The following MYOM1 variants were observed in gnomAD, a reference collection of about 807,000 sequenced individuals.
The protein encoded by MYOM1 is myomesin 1.
In MYOM1, 164 loss-of-function variants were observed where a neutral mutation model predicts 205.3. That is an observed-to-expected ratio of 0.80 (90% CI 0.70 to 0.91). MYOM1 has a LOEUF of 0.91. Ranked by LOEUF, MYOM1 falls within the 40% of genes least tolerant of loss-of-function variation. The pLI is 0.00. For missense variants in MYOM1, 2,011 were observed against 2,127.3 expected, an observed-to-expected ratio of 0.95 and a Z score of 1.08; for synonymous variants, 772 against 789.4, an observed-to-expected ratio of 0.98 and a Z score of 0.37.
rs375222378 is a variant in MYOM1 at position 3,112,361 on chromosome 18, T to G, written c.3355A>C (p.Asn1119His). 1.9e-6 allele frequency: 3 copies of G among 1,612,718 alleles called. No homozygotes were observed. Among genetic ancestry groups the G allele is most frequent in the Non-Finnish European group, 2.5e-6 (3 of 1,178,964 alleles). ...GATGGCTTCCCAACTCCCGCCTGGT[T>G]TATGGCTCGAACACGGAACACGTAG... The part of the protein sequence containing the change: ...VSYVFRVRAI[N>H]QAGVGKPSDL... The change falls in exon 22 of 38, where the codon AAC becomes CAC. Residue 1119 changes from asparagine (N) to histidine (H), a missense_variant. Physicochemically the swap from Asn to His is moderately conservative, Grantham distance 68. Transcript: ENST00000356443.
At chr18:3,178,569 T>A (rs113775954) in intron 5 of MYOM1, among the ~76,000 whole-genome samples, 3,686 of 152,250 alleles carry the variant, frequency 0.024, 143 homozygotes, top group African/African-American at 0.083. Context: ...GCTCTCTCTC[T>A]CACATACACA....
In MYOM1 at chr18:3,177,473, ATTATTATTATTATTT is replaced by A. The variant is rs1228355625; in HGVS notation, c.930-1354_930-1340del. 1.4e-3 allele frequency among the ~76,000 whole-genome samples: 163 copies of A among 114,300 alleles called. 1 individual carries two copies. The highest frequency in any genetic ancestry group is 4.7e-3 in the African/African-American group (157 of 33,692). The allele number at this position is 114,300 out of a possible 152,430, so 75.0% of individuals were successfully genotyped here. ...TATTATTATTATTATTATTATTATT[ATTATTATTATTATTT>A]GAGACAGAGTTTCACTCTTGTTGCC... On this transcript the variant is annotated intron_variant, in intron 5 of 37. Transcript: ENST00000356443.
chr18:3,206,542 CA>C (rs1598770832), intron 2 of MYOM1, among the ~76,000 whole-genome samples: 1 of 152,188 alleles, frequency 6.6e-6, no homozygotes, highest in East Asian at 1.9e-4. Context: ...CTGTTCGCCA[CA>C]ATTTCCTCTT....
chr18:3,099,655 C>G (rs1441203999), intron 25 of MYOM1, among the ~76,000 whole-genome samples: 1 of 152,164 alleles, frequency 6.6e-6, no homozygotes, highest in East Asian at 1.9e-4. Flanking sequence ...AAGGGTTGTA[C>G]ATTGTTCAGA....
Position 3,183,207 on chromosome 18 carries a change from G to A in MYOM1, c.929+4273C>T, listed in dbSNP as rs564828876. Among the ~76,000 whole-genome samples, 15 of 152,304 alleles carry A rather than the reference G, an allele frequency of 9.8e-5. No homozygotes were observed. The East Asian group carries it at 2.9e-3, about 29-fold the overall frequency. On this transcript the variant is annotated intron_variant, in intron 5 of 37. Coordinates refer to ENST00000356443, the MANE Select transcript of MYOM1 (RefSeq NM_003803.4). ...GCCTCCCAAAGTGCTGGGATTACAG[G>A]CGTGGGCCACCACGCCCGGCCTGTA... is the stretch of plus-strand genomic sequence containing the variant.
At chr18:3,116,716 T>G (rs1446350294) in intron 20 of MYOM1, among the ~76,000 whole-genome samples, 1 of 152,160 alleles carries the variant, frequency 6.6e-6, no homozygotes, top group Non-Finnish European at 1.5e-5. Flanking sequence ...TGAGTCCCTT[T>G]AAGGGTGGCA....
the MYOM1 span, chr18:3,246,734 G>A: frequency 2.0e-5 from 3 of 152,348 alleles, no homozygotes; most frequent in Non-Finnish European, 4.4e-5. Flanking sequence ...AACTTCAGAA[G>A]GGTTCTGGCC....
chr18:3,216,028 G>A (rs1406304530), intron 1 of MYOM1, among the ~76,000 whole-genome samples: 1 of 152,190 alleles, frequency 6.6e-6, no homozygotes, highest in Non-Finnish European at 1.5e-5. Flanking sequence ...AGCACTTTGG[G>A]AGGCCGAGGC....
intron 4 of MYOM1, among the ~76,000 whole-genome samples, chr18:3,188,096 G>A (rs1031511988): frequency 6.6e-6 from 1 of 151,654 alleles, no homozygotes; most frequent in Non-Finnish European, 1.5e-5. Flanking sequence ...TCCTGCCTTG[G>A]CCTCCCAAAA....
rs768639378 is a variant in MYOM1 at position 3,176,073 on chromosome 18, G to A, written c.991C>T (p.Arg331Ter). 25 of 1,605,544 alleles carry A rather than the reference G, an allele frequency of 1.6e-5. No individual in the cohort carries two copies. Among genetic ancestry groups the A allele is most frequent in the Admixed American group, 8.3e-5 (5 of 59,964 alleles). Reference sequence around the variant, plus strand: ...ATCTCCAGAGTGTGCATCCCATATCGACTCTCAATAATATACTTTCCAGGG... The same window carrying A: ...ATCTCCAGAGTGTGCATCCCATATCAACTCTCAATAATATACTTTCCAGGG... ...ANPGKYIIES[R>*]YGMHTLEING... The change falls in exon 6 of 38, where the codon CGA (arginine) becomes TGA (stop). Residue 331 changes from arginine to a stop codon, truncating the protein, a stop_gained. Transcript: ENST00000356443. LOFTEE classifies it high-confidence loss of function.
At chr18:3,234,198 T>C in the MYOM1 span, among the ~76,000 whole-genome samples, 1 of 152,186 alleles carries the variant, frequency 6.6e-6, no homozygotes, top group Non-Finnish European at 1.5e-5. Context: ...AGAAGAAGAA[T>C]ATAATGTTTA....
At chr18:3,237,355 C>T in the MYOM1 span, among the ~76,000 whole-genome samples, 60 of 151,994 alleles carry the variant, frequency 3.9e-4, no homozygotes, top group African/African-American at 1.2e-3. Context: ...AATCCCAGCA[C>T]GGTGGGAGGC....
At position 3,123,196 on chromosome 18, in the gene MYOM1, G is replaced by T. The variant is rs1016211220; in HGVS notation, c.2992-3201C>A. Among the ~76,000 whole-genome samples, 19 of 152,168 alleles carry T rather than the reference G, an allele frequency of 1.2e-4. No individual in the cohort carries two copies. In the East Asian group the frequency reaches 3.7e-3, roughly 29 times the overall value. The stretch of plus-strand genomic sequence containing the variant: ...AGTAAGGTAAGAAAATGAAGTAAAA[G>T]TTATAAAATTTGGAAATGAAGTAAA... On this transcript the variant is annotated intron_variant, in intron 19 of 37. Transcript: ENST00000356443.
chr18:3,231,534 CTTTT>C, the MYOM1 span, among the ~76,000 whole-genome samples: 3 of 120,212 alleles, frequency 2.5e-5, no homozygotes, highest in African/African-American at 3.4e-5. Flanking sequence ...AATATGCATC[CTTTT>C]TTTTTTTTTT....
chr18:3,131,639 G>A (rs1045567196), intron 16 of MYOM1, 143 bp from the exon 17 acceptor site: 4 of 782,850 alleles, frequency 5.1e-6, no homozygotes, highest in Non-Finnish European at 7.7e-6. Flanking sequence ...ATGGGGTCTT[G>A]CTGTGTTTCC....
chr18:3,180,895 C>T (rs1056848798), intron 5 of MYOM1, among the ~76,000 whole-genome samples: 1 of 149,470 alleles, frequency 6.7e-6, no homozygotes, highest in Admixed American at 6.7e-5. Context: ...AAATTATTTT[C>T]TACCCACAAA....
intron 36 of MYOM1, among the ~76,000 whole-genome samples, chr18:3,073,669 G>A (rs927386366): frequency 6.6e-6 from 1 of 152,222 alleles, no homozygotes; most frequent in African/African-American, 2.4e-5. Context: ...TCTGAATAAT[G>A]CCTTTTAACC....
chr18:3,193,297 TACATAC>T, intron 3 of MYOM1, among the ~76,000 whole-genome samples: 1 of 148,860 alleles, frequency 6.7e-6, no homozygotes, highest in East Asian at 1.9e-4. Context: ...TATATACATA[TACATAC>T]ATATATATAT....
chr18:3,131,437 T>C lies in MYOM1; in HGVS notation c.2444A>G (p.Asn815Ser), dbSNP rs753118578. The change falls in exon 17 of 38, where the codon AAT becomes AGT. Residue 815 changes from asparagine to serine, a missense_variant. Coordinates refer to ENST00000356443, the MANE Select transcript of MYOM1 (RefSeq NM_003803.4). ...QSYIFRVRAV[N>S]AAGLSEYSQD... ...GGAATATTCACTAAGTCCAGCTGCATTGACTGCTCTGACCCGGAAAATATA... is the reference window on the plus strand; with the variant it reads ...GGAATATTCACTAAGTCCAGCTGCACTGACTGCTCTGACCCGGAAAATATA... 2.4e-5 allele frequency: 39 copies of C among 1,613,806 alleles called. No homozygotes were observed. Among genetic ancestry groups the C allele is most frequent in the African/African-American group, 5.3e-5 (4 of 74,944 alleles).
Sources: allele counts gnomAD v4.1 joint callset (sites outside exome capture counted in the v4.1 genomes callset), GRCh38; gene constraint gnomAD v4.1.1; transcripts MANE v1.5; gene names NCBI Gene and HGNC (gene_info 2026-07-23, HGNC 2026-07-21).